The following GREB1L variants were observed in gnomAD, a reference collection of about 807,000 sequenced individuals.
GREB1L encodes the protein GREB1 like retinoic acid receptor coactivator, also known as GREB1-like protein.
In GREB1L, 17 loss-of-function variants were observed where a neutral mutation model predicts 200.8. The observed-to-expected ratio is 0.08, with a 90% CI of 0.06 to 0.13. The LOEUF (loss-of-function observed/expected upper bound fraction) is 0.13. Ranked by LOEUF, GREB1L falls within the 10% of genes least tolerant of loss-of-function variation. The probability of loss-of-function intolerance (pLI) is 1.00; values close to 1 mark genes in which losing one functional copy is unlikely to be tolerated. For missense variants in GREB1L, 1,657 were observed against 2,367.7 expected (o/e 0.70, Z 6.23); for synonymous variants, 789 against 893.0 (o/e 0.88, Z 2.08).
chr18:21,283,504 T>A (rs1206747709), intron 1 of GREB1L, among the ~76,000 whole-genome samples: 7 of 152,234 alleles, frequency 4.6e-5, no homozygotes, highest in Non-Finnish European at 1.0e-4. Flanking sequence ...ATCATTGATT[T>A]GGAGCTGTGC....
intron 1 of GREB1L, among the ~76,000 whole-genome samples, chr18:21,315,721 A>G (rs1473634436): frequency 6.6e-6 from 1 of 152,120 alleles, no homozygotes; most frequent in Non-Finnish European, 1.5e-5. Flanking sequence ...AGACTGCTAA[A>G]GTACGTTTCA....
intron 15 of GREB1L, among the ~76,000 whole-genome samples, chr18:21,463,092 T>C (rs1026538737): frequency 6.6e-6 from 1 of 151,468 alleles, no homozygotes; most frequent in African/African-American, 2.4e-5. Flanking sequence ...CTATTTTGTG[T>C]ATATCATAGG....
chr18:21,310,675 A>G (rs2038776258), intron 1 of GREB1L, among the ~76,000 whole-genome samples: 1 of 152,208 alleles, frequency 6.6e-6, no homozygotes, highest in Non-Finnish European at 1.5e-5. Context: ...TCCCTATATC[A>G]TACTTTGAGA....
At chr18:21,316,296 T>C (rs540665793) in intron 1 of GREB1L, among the ~76,000 whole-genome samples, 1 of 152,152 alleles carries the variant, frequency 6.6e-6, no homozygotes, top group Non-Finnish European at 1.5e-5. Flanking sequence ...CATTATTTAT[T>C]GGCAAAAGTA....
At position 21,403,967 on chromosome 18, in the gene GREB1L, G is replaced by A. The variant is rs1373637754; in HGVS notation, c.805G>A (p.Gly269Arg). 1 of 1,551,306 alleles carries A rather than the reference G, an allele frequency of 6.4e-7. No homozygotes were observed. The highest frequency in any genetic ancestry group is 8.7e-7 in the Non-Finnish European group (1 of 1,146,424). Residue 269 changes from glycine (G) to arginine (R), a missense_variant, in exon 7 of 33, where the codon GGA becomes AGA. Coordinates refer to ENST00000424526, the MANE Select transcript of GREB1L (RefSeq NM_001142966.3). ...GACCCCAGAAAATGGGACAACTAATGGATACAAATCAGGATTCACTCAGAC... is the reference window on the plus strand; with the variant it reads ...GACCCCAGAAAATGGGACAACTAATAGATACAAATCAGGATTCACTCAGAC... ...TVTPENGTTN[G>R]YKSGFTQTDA...
intron 27 of GREB1L, among the ~76,000 whole-genome samples, chr18:21,512,601 G>A (rs1336200560): frequency 6.6e-6 from 1 of 152,052 alleles, no homozygotes; most frequent in Non-Finnish European, 1.5e-5. Flanking sequence ...TGTTGCCTGA[G>A]AACAGAGATA....
chr18:21,486,340 C>CGA (rs903968904), intron 18 of GREB1L, among the ~76,000 whole-genome samples: 8 of 148,180 alleles, frequency 5.4e-5, no homozygotes, highest in Non-Finnish European at 1.2e-4. Flanking sequence ...GGTGACAGAG[C>CGA]GAGACTCCGT....
intron 1 of GREB1L, among the ~76,000 whole-genome samples, chr18:21,314,002 TCTTGCTTATCCTA>T (rs1393271439): frequency 6.6e-6 from 1 of 152,210 alleles, no homozygotes; most frequent in Non-Finnish European, 1.5e-5. Context: ...TTGACCAATC[TCTTGCTTATCCTA>T]CTGTCAAAAA....
intron 1 of GREB1L, among the ~76,000 whole-genome samples, chr18:21,297,683 T>C (rs947741010): frequency 2.6e-5 from 4 of 152,188 alleles, no homozygotes; most frequent in African/African-American, 9.6e-5. Flanking sequence ...ATAGCACTTA[T>C]ATACCATTCC....
chr18:21,269,290 T>TATTCATAA (rs2038040622), intron 1 of GREB1L, among the ~76,000 whole-genome samples: 4 of 152,188 alleles, frequency 2.6e-5, no homozygotes. Context: ...TATAATCACC[T>TATTCATAA]ATTCATAATG....
At chr18:21,462,174 G>A (rs956764573) in intron 15 of GREB1L, among the ~76,000 whole-genome samples, 3 of 152,204 alleles carry the variant, frequency 2.0e-5, no homozygotes, top group Non-Finnish European at 2.9e-5. Context: ...TGCCGCAGGT[G>A]CGCCCTGCTG....
At chr18:21,514,388 G>A (rs1399099314) in intron 28 of GREB1L, among the ~76,000 whole-genome samples, 1 of 152,176 alleles carries the variant, frequency 6.6e-6, no homozygotes, top group African/African-American at 2.4e-5. Flanking sequence ...GGTGGCGCAT[G>A]CCTGCAGTCC....
At chr18:21,408,794 CAAAAAAAAA>C (rs58262799) in intron 7 of GREB1L, among the ~76,000 whole-genome samples, 1 of 73,616 alleles carries the variant, frequency 1.4e-5, no homozygotes, top group Non-Finnish European at 2.5e-5. Context: ...AATTCCATCT[CAAAAAAAAA>C]AAAAAAAAAA....
chr18:21,377,351 A>G (rs2040115131), intron 2 of GREB1L, among the ~76,000 whole-genome samples: 1 of 152,130 alleles, frequency 6.6e-6, no homozygotes. Context: ...TTGAAAATGG[A>G]AAAAAGTAGT....
intron 15 of GREB1L, among the ~76,000 whole-genome samples, chr18:21,465,123 C>A (rs1299446077): frequency 2.0e-5 from 3 of 152,116 alleles, no homozygotes; most frequent in African/African-American, 7.2e-5. Flanking sequence ...CATTTAAAAT[C>A]TACTCTCTTA....
chr18:21,323,804 G>T (rs910650091), intron 1 of GREB1L, among the ~76,000 whole-genome samples: 2 of 152,148 alleles, frequency 1.3e-5, no homozygotes, highest in African/African-American at 4.8e-5. Context: ...ATGGGTGAAG[G>T]TGTGATGAAG....
chr18:21,465,710 A>T (rs1178775830), intron 15 of GREB1L, among the ~76,000 whole-genome samples: 5 of 152,180 alleles, frequency 3.3e-5, no homozygotes, highest in Non-Finnish European at 7.4e-5. Context: ...TAGAGTTATT[A>T]TTGTCCTCAA....
In GREB1L at chr18:21,477,089, A is replaced by T. The variant is rs1475149498; in HGVS notation, c.2364-75A>T. ...ATAGAAAAATAAAAACTAAAACAGT[A>T]TGTCCATGTTAGTGTCTGATTCTAT... On this transcript the variant is annotated intron_variant, in intron 16 of 32. Coordinates refer to ENST00000424526, the MANE Select transcript of GREB1L (RefSeq NM_001142966.3). The T allele has an allele frequency of 8.0e-6, 7 of 870,768 alleles. No individual in the cohort carries two copies. The African/African-American group carries it at 1.2e-4, about 15-fold the overall frequency. The allele number at this position is 870,768 out of a possible 1,614,324, so 53.9% of individuals were successfully genotyped here. A position where few individuals can be genotyped will look rare whatever the true frequency, so the allele number is the denominator to read the frequency against.
At chr18:21,460,169 GT>G (rs1427035506) in intron 15 of GREB1L, among the ~76,000 whole-genome samples, 1 of 146,792 alleles carries the variant, frequency 6.8e-6, no homozygotes, top group African/African-American at 2.7e-5. Context: ...TCTTGTTTTT[GT>G]TTTCGTTTTT....
Sources: gnomAD v4.1 joint callset for allele counts (sites outside exome capture counted in the v4.1 genomes callset) on GRCh38, gnomAD v4.1.1 for gene constraint, MANE v1.5 for transcripts, NCBI Gene and HGNC (gene_info 2026-07-23, HGNC 2026-07-21) for gene names.